The following KCNMB2 variants were observed in gnomAD, a reference collection of about 807,000 sequenced individuals.
The protein encoded by KCNMB2 is potassium calcium-activated channel subfamily M regulatory beta subunit 2.
A neutral mutation model predicts 24.5 loss-of-function variants in KCNMB2; 9 were observed. That is an observed-to-expected ratio of 0.37 (90% confidence interval 0.22 to 0.64). The LOEUF (loss-of-function observed/expected upper bound fraction) is 0.64. Ranked by LOEUF, KCNMB2 falls within the 30% of genes least tolerant of loss-of-function variation. The pLI is 0.63. For missense variants in KCNMB2, 226 were observed against 284.3 expected (o/e 0.79, Z 1.47); for synonymous variants, 109 against 104.4 (o/e 1.04, Z -0.27).
intron 1 of KCNMB2, among the ~76,000 whole-genome samples, chr3:178,758,491 T>TATA (rs1724309006): frequency 3.4e-5 from 1 of 29,460 alleles, no homozygotes; most frequent in African/African-American, 1.8e-4. Context: ...CAAGAGGTGA[T>TATA]TGATATATAT....
chr3:178,725,928 T>C (rs13060883), intron 1 of KCNMB2, among the ~76,000 whole-genome samples: 20,415 of 151,872 alleles, frequency 0.13, 1,505 homozygotes, highest in African/African-American at 0.17. Flanking sequence ...TATATTTAGA[T>C]CATTTGCTTT....
chr3:178,743,436 A>G (rs1723558621), intron 1 of KCNMB2, among the ~76,000 whole-genome samples: 1 of 152,174 alleles, frequency 6.6e-6, no homozygotes, highest in Non-Finnish European at 1.5e-5. Context: ...CAGAGCAGCT[A>G]AGCCTTCTAA....
chr3:178,677,252 T>A (rs78471895), intron 1 of KCNMB2, among the ~76,000 whole-genome samples: 2 of 152,162 alleles, frequency 1.3e-5, no homozygotes, highest in Non-Finnish European at 2.9e-5. Flanking sequence ...ACTCAGAGAT[T>A]TCCTCCTAAC....
chr3:178,757,349 G>GATATATAT (rs768743661), intron 1 of KCNMB2, among the ~76,000 whole-genome samples: 3 of 19,622 alleles, frequency 1.5e-4, no homozygotes, highest in African/African-American at 6.1e-4. Flanking sequence ...TATCCAAGAG[G>GATATATAT]ATATATATAT....
chr3:178,773,454 A>G (rs1712458144), intron 1 of KCNMB2, among the ~76,000 whole-genome samples: 1 of 152,148 alleles, frequency 6.6e-6, no homozygotes, highest in Non-Finnish European at 1.5e-5. Context: ...GTCCAAAATA[A>G]TCAAATAGGC....
At chr3:178,546,939 G>C (rs1003600451) in intron 1 of KCNMB2, among the ~76,000 whole-genome samples, 1 of 152,222 alleles carries the variant, frequency 6.6e-6, no homozygotes, top group Non-Finnish European at 1.5e-5. Context: ...ATGGCGGAAA[G>C]ATGGCCAGAA....
At chr3:178,635,792 A>G (rs1443575703) in intron 1 of KCNMB2, among the ~76,000 whole-genome samples, 1 of 152,258 alleles carries the variant, frequency 6.6e-6, no homozygotes, top group Non-Finnish European at 1.5e-5. Flanking sequence ...GCATGAAATT[A>G]TCTTTTAGCT....
At chr3:178,568,949 T>C (rs1301888266) in intron 1 of KCNMB2, among the ~76,000 whole-genome samples, 1 of 152,190 alleles carries the variant, frequency 6.6e-6, no homozygotes, top group Non-Finnish European at 1.5e-5. Context: ...GTTCAGTCTC[T>C]GTATTATTCA....
intron 1 of KCNMB2, among the ~76,000 whole-genome samples, chr3:178,605,180 A>G (rs1718228785): frequency 6.6e-6 from 1 of 152,100 alleles, no homozygotes; most frequent in Admixed American, 6.5e-5. Context: ...GAGGACCAAG[A>G]CCTCATGAAT....
intron 1 of KCNMB2, among the ~76,000 whole-genome samples, chr3:178,629,889 C>A (rs1283085329): frequency 6.6e-6 from 1 of 152,174 alleles, no homozygotes; most frequent in Non-Finnish European, 1.5e-5. Flanking sequence ...AAGGGCATTT[C>A]TGCAGTACAA....
intron 1 of KCNMB2, among the ~76,000 whole-genome samples, chr3:178,631,484 G>A (rs984686602): frequency 6.6e-5 from 10 of 152,234 alleles, no homozygotes; most frequent in Non-Finnish European, 1.0e-4. Flanking sequence ...CCGCCTATGC[G>A]GCTGGCATTC....
At chr3:178,759,644 T>TAC (rs1560009370) in intron 1 of KCNMB2, among the ~76,000 whole-genome samples, 2 of 113,982 alleles carry the variant, frequency 1.8e-5, no homozygotes, top group African/African-American at 3.3e-5. Context: ...AGGATATATA[T>TAC]ATATATATCT....
chr3:178,816,364 G>A (rs1294943797), intron 2 of KCNMB2, among the ~76,000 whole-genome samples: 1 of 151,548 alleles, frequency 6.6e-6, no homozygotes, highest in African/African-American at 2.4e-5. Context: ...ATACTTATTT[G>A]GCCCTTTTCT....
intron 1 of KCNMB2, among the ~76,000 whole-genome samples, chr3:178,572,760 T>C (rs1258119810): frequency 4.6e-5 from 7 of 152,118 alleles, no homozygotes; most frequent in Admixed American, 2.0e-4. Context: ...ACCACTTACA[T>C]AGGAAGAAAA....
intron 1 of KCNMB2, among the ~76,000 whole-genome samples, chr3:178,565,962 C>T (rs1716502945): frequency 6.6e-6 from 1 of 152,104 alleles, no homozygotes; most frequent in Non-Finnish European, 1.5e-5. Context: ...GTCCAAAGTT[C>T]CAAGAATATT....
intron 1 of KCNMB2, among the ~76,000 whole-genome samples, chr3:178,671,074 A>T (rs1363672502): frequency 6.6e-6 from 1 of 151,950 alleles, no homozygotes; most frequent in Non-Finnish European, 1.5e-5. Flanking sequence ...TTGAAAGTCA[A>T]ACACCACCAC....
intron 1 of KCNMB2, among the ~76,000 whole-genome samples, chr3:178,552,332 A>G (rs998216646): frequency 1.3e-5 from 2 of 152,092 alleles, no homozygotes; most frequent in South Asian, 2.1e-4. Flanking sequence ...TTTTCTTAAC[A>G]TATCAAATTG....
intron 1 of KCNMB2, among the ~76,000 whole-genome samples, chr3:178,609,143 G>T (rs1342716174): frequency 6.6e-6 from 1 of 151,920 alleles, no homozygotes; most frequent in South Asian, 2.1e-4. Flanking sequence ...CCACATCCTC[G>T]CCAGCATTTG....
At chr3:178,829,993 G>A (rs1714992600) in intron 4 of KCNMB2, among the ~76,000 whole-genome samples, 1 of 152,032 alleles carries the variant, frequency 6.6e-6, no homozygotes, top group Non-Finnish European at 1.5e-5. Flanking sequence ...ACCACCTTAA[G>A]GGTAAAGAAA....
Sources: gnomAD v4.1 joint callset for allele counts (sites outside exome capture counted in the v4.1 genomes callset) on GRCh38, gnomAD v4.1.1 for gene constraint, MANE v1.5 for transcripts, NCBI Gene and HGNC (gene_info 2026-07-23, HGNC 2026-07-21) for gene names.